WASHC5: variants seen among roughly 807,000 people sequenced by gnomAD.
The protein encoded by WASHC5 is WASH complex subunit strumpellin.
Under a neutral mutation model 150.4 loss-of-function variants are expected in WASHC5, and 101 were observed. The observed-to-expected ratio is 0.67, with a 90% confidence interval of 0.57 to 0.79. WASHC5 has a LOEUF of 0.79. Ranked by LOEUF, WASHC5 falls within the 30% of genes least tolerant of loss-of-function variation. The pLI, the probability that WASHC5 is intolerant of heterozygous loss-of-function variation, is 0.00. For missense variants in WASHC5, 1,195 were observed against 1,396.3 expected, an observed-to-expected ratio of 0.86 and a Z score of 2.30; for synonymous variants, 467 against 491.2, an observed-to-expected ratio of 0.95 and a Z score of 0.65.
intron 26 of WASHC5, 28 bp downstream of exon 26, chr8:125,037,209 C>A: frequency 8.0e-7 from 1 of 1,245,044 alleles, no homozygotes; most frequent in Non-Finnish European, 1.2e-6. Flanking sequence ...TATTGTTACT[C>A]ATTGCAAATA....
intron 6 of WASHC5, among the ~76,000 whole-genome samples, chr8:125,076,721 C>G (rs950717388): frequency 7.0e-6 from 1 of 142,076 alleles, no homozygotes; most frequent in Non-Finnish European, 1.5e-5. Flanking sequence ...AGCCCTTGAC[C>G]GCTGCAATTC....
Position 125,067,621 on chromosome 8 carries a change from T to A in WASHC5, c.1249A>T (p.Thr417Ser). 6.2e-7 allele frequency: 1 copy of A among 1,612,918 alleles called. No individual in the cohort carries two copies. Among genetic ancestry groups the A allele is most frequent in the South Asian group, 1.1e-5 (1 of 91,060 alleles). ...PRILFQLLLD[T>S]AQFEFILKEM... ...TTGAGTATAAACTCAAATTGTGCAG[T>A]ATCTAACAGCAGCTGGAAGAGGATC... is the stretch of plus-strand genomic sequence containing the variant. The change falls in exon 10 of 29, where the codon ACT (threonine) becomes TCT (serine). Residue 417 changes from threonine to serine, a missense_variant. Thr to Ser is a moderately conservative substitution (Grantham distance 58, BLOSUM62 1). Coordinates refer to ENST00000318410, the MANE Select transcript of WASHC5 (RefSeq NM_014846.4).
intron 27 of WASHC5, among the ~76,000 whole-genome samples, chr8:125,030,365 C>T (rs558786706): frequency 6.6e-6 from 1 of 152,258 alleles, no homozygotes; most frequent in East Asian, 1.9e-4. Flanking sequence ...TTGAGTTCTC[C>T]TCTATTTTTC....
At chr8:125,061,880 G>A (rs1467456166) in intron 11 of WASHC5, among the ~76,000 whole-genome samples, 10 of 152,190 alleles carry the variant, frequency 6.6e-5, no homozygotes, top group African/African-American at 2.4e-4. Flanking sequence ...AGATAAAGAG[G>A]CTGATGCTCA....
At chr8:125,085,180 G>C (rs986315684) in intron 1 of WASHC5, among the ~76,000 whole-genome samples, 2 of 152,180 alleles carry the variant, frequency 1.3e-5, no homozygotes, top group African/African-American at 4.8e-5. Context: ...GTGCTTCAGT[G>C]TGTCTTTACA....
In WASHC5 at chr8:125,056,711, A is replaced by C; in HGVS notation, c.1982T>G (p.Leu661Arg). The change falls in exon 16 of 29, where the codon CTG becomes CGG. Residue 661 changes from leucine to arginine, a missense_variant. Physicochemically the swap from Leu to Arg is moderately radical, Grantham distance 102 (BLOSUM62 -2). Transcript: ENST00000318410. ...TGGGCCTAGCTGAGCATAGTCCCTC[A>C]GCTTGTCTTTGTCCAGGCGGGTAGG... ...EVPTRLDKDKLRDYAQLGPRY... is the reference protein window; with the variant it reads ...EVPTRLDKDKRRDYAQLGPRY... The C allele has an allele frequency of 6.2e-7, 1 of 1,614,182 alleles. No homozygotes were observed. The highest frequency in any genetic ancestry group is 8.5e-7 in the Non-Finnish European group (1 of 1,180,036).
chr8:125,080,504 A>G (rs1817222079), intron 5 of WASHC5, among the ~76,000 whole-genome samples: 1 of 118,978 alleles, frequency 8.4e-6, no homozygotes, highest in South Asian at 2.9e-4. Context: ...GTATTGCCGA[A>G]AAGTATAATG....
At chr8:125,091,560 G>C (rs1278849442) in intron 1 of WASHC5, 55 bp downstream of exon 1, 1 of 152,534 alleles carries the variant, frequency 6.6e-6, no homozygotes, top group Non-Finnish European at 1.5e-5. Context: ...CGGCCCAGCG[G>C]GGAGGGGAAG....
In WASHC5 at chr8:125,048,878, T is replaced by C; in HGVS notation, c.2379+128A>G. On this transcript the variant is annotated intron_variant, in intron 19 of 28. Coordinates refer to ENST00000318410, the MANE Select transcript of WASHC5 (RefSeq NM_014846.4). Reference sequence around the variant, plus strand: ...ACTTTTCTGCAACCCTCCTGGCTCCTGAAAGTACTCTGAAGGTACTGAGAC... The same window carrying C: ...ACTTTTCTGCAACCCTCCTGGCTCCCGAAAGTACTCTGAAGGTACTGAGAC... The C allele has an allele frequency of 5.3e-6, 4 of 761,526 alleles. No homozygotes were observed. The South Asian group carries it at 5.8e-5, about 11-fold the overall frequency. The allele number at this position is 761,526 out of a possible 1,614,324, so 47.2% of individuals were successfully genotyped here. A position where few individuals can be genotyped will look rare whatever the true frequency, so the allele number is the denominator to read the frequency against.
At chr8:125,026,890 C>A (rs1271697459) in intron 28 of WASHC5, among the ~76,000 whole-genome samples, 1 of 151,894 alleles carries the variant, frequency 6.6e-6, no homozygotes, top group Admixed American at 6.6e-5. Context: ...AAAATATATT[C>A]TTTGAAGTTA....
chr8:125,086,071 G>C (rs1233672519), intron 1 of WASHC5, among the ~76,000 whole-genome samples: 3 of 152,120 alleles, frequency 2.0e-5, no homozygotes, highest in Non-Finnish European at 4.4e-5. Flanking sequence ...TTAAGTGAAG[G>C]GCTGAACCTT....
intron 3 of WASHC5, chr8:125,082,912 C>G: frequency 2.1e-6 from 1 of 486,598 alleles, no homozygotes; most frequent in South Asian, 3.0e-5. Flanking sequence ...TATTACAACA[C>G]CTCATAAGAG....
intron 10 of WASHC5, among the ~76,000 whole-genome samples, chr8:125,064,996 T>C (rs1044310080): frequency 2.0e-5 from 3 of 152,246 alleles, no homozygotes; most frequent in African/African-American, 7.2e-5. Context: ...CATTTGATAA[T>C]GGCAAAGCAA....
At chr8:125,026,929 T>C (rs1306066482) in intron 28 of WASHC5, among the ~76,000 whole-genome samples, 1 of 152,184 alleles carries the variant, frequency 6.6e-6, no homozygotes, top group Non-Finnish European at 1.5e-5. Flanking sequence ...TGATTGTAAC[T>C]GCAGTAAACC....
At chr8:125,054,997 T>G (rs1468094406) in intron 17 of WASHC5, among the ~76,000 whole-genome samples, 2 of 152,052 alleles carry the variant, frequency 1.3e-5, no homozygotes, top group Non-Finnish European at 2.9e-5. Context: ...TTTTCTTGGA[T>G]TTAAACAACT....
intron 18 of WASHC5, among the ~76,000 whole-genome samples, chr8:125,049,675 C>T (rs981918099): frequency 6.6e-6 from 1 of 151,924 alleles, no homozygotes; most frequent in African/African-American, 2.4e-5. Context: ...GATGAAACCC[C>T]ATCAAAAATA....
chr8:125,075,196 C>A (rs1413850158), intron 7 of WASHC5, 85 bp from the exon 8 acceptor site: 18 of 839,214 alleles, frequency 2.1e-5, no homozygotes, highest in Non-Finnish European at 3.7e-5. Context: ...GAAGGCAATA[C>A]CCACTCCATG....
At chr8:125,058,484 C>A (rs1816483801) in intron 14 of WASHC5, among the ~76,000 whole-genome samples, 1 of 151,978 alleles carries the variant, frequency 6.6e-6, no homozygotes, top group Non-Finnish European at 1.5e-5. Context: ...TGGGGGCTCA[C>A]ACCTGTAATC....
At position 125,032,267 on chromosome 8, in the gene WASHC5, G is replaced by A; in HGVS notation, c.3309C>T (p.Ile1103=). 1 of 1,614,194 alleles carries A rather than the reference G, an allele frequency of 6.2e-7. No homozygotes were observed. Among genetic ancestry groups the A allele is most frequent in the Non-Finnish European group, 8.5e-7 (1 of 1,180,022 alleles). The change falls in exon 27 of 29, where the codon ATC becomes ATT. Residue 1103 remains isoleucine, a synonymous_variant. Coordinates refer to ENST00000318410, the MANE Select transcript of WASHC5 (RefSeq NM_014846.4). ...EQFLALIGQF[I]CSTVEQCTSQ... Reference sequence around the variant, plus strand: ...TTGTACACTGCTCCACCGTGGAGCAGATAAACTGGCCAATCAGCGCCAGGA... The same window carrying A: ...TTGTACACTGCTCCACCGTGGAGCAAATAAACTGGCCAATCAGCGCCAGGA...
Sources: gnomAD v4.1 joint callset for allele counts (sites outside exome capture counted in the v4.1 genomes callset) on GRCh38, gnomAD v4.1.1 for gene constraint, MANE v1.5 for transcripts, NCBI Gene and HGNC (gene_info 2026-07-23, HGNC 2026-07-21) for gene names.